The following TMX1 variants were observed in gnomAD, a reference collection of about 807,000 sequenced individuals.
The protein encoded by TMX1 is thioredoxin-related transmembrane protein 1.
A neutral mutation model predicts 36.6 loss-of-function variants in TMX1; 25 were observed. The observed-to-expected ratio is 0.68, with a 90% confidence interval of 0.50 to 0.95. The LOEUF (loss-of-function observed/expected upper bound fraction) is 0.95. Ranked by LOEUF, TMX1 falls within the 40% of genes least tolerant of loss-of-function variation. TMX1 has a pLI of 0.00. For synonymous variants in TMX1, 133 were observed against 118.0 expected (o/e 1.13, Z -0.82); for missense variants, 347 against 339.6 (o/e 1.02, Z -0.17).
rs2139861180 is a variant in TMX1, at chr14:51,256,397, G to A, written c.*1878G>A. On this transcript the variant is annotated 3_prime_UTR_variant, in exon 8 of 8. Transcript: ENST00000457354. ...AACAGATAGGGTCTTGAAATTTCAG[G>A]AAACATATAATCTCACGGTTCTTAA... The A allele has an allele frequency of 6.6e-6, 1 of 152,190 alleles. No homozygotes were observed. Among genetic ancestry groups the A allele is most frequent in the South Asian group, 2.1e-4 (1 of 4,828 alleles). The allele number at this position is 152,190 out of a possible 1,614,324, so 9.4% of individuals were successfully genotyped here. A position where few individuals can be genotyped will look rare whatever the true frequency, so the allele number is the denominator to read the frequency against.
In TMX1 at chr14:51,241,423, A is replaced by C. The variant is rs2065760796; in HGVS notation, c.152+979A>C. On this transcript the variant is annotated intron_variant, in intron 1 of 7. Coordinates refer to ENST00000457354, the MANE Select transcript of TMX1 (RefSeq NM_030755.5). ...CGAATACCATATTTAATTCCCTACA[A>C]ATTCTCTATGACAGGTGTTTTTCAC... 2.0e-5 allele frequency among the ~76,000 whole-genome samples: 3 copies of C among 152,196 alleles called. No individual in the cohort carries two copies. In the South Asian group the frequency reaches 6.2e-4, roughly 31 times the overall value.
intron 1 of TMX1, among the ~76,000 whole-genome samples, chr14:51,243,305 T>C (rs1434326983): frequency 7.2e-5 from 11 of 152,220 alleles, no homozygotes; most frequent in Admixed American, 7.2e-4. Flanking sequence ...GGGTTATTTT[T>C]TGAGGTAACA....
intron 7 of TMX1, 94 bp from the exon 8 acceptor site, chr14:51,254,247 C>A (rs980065424): frequency 9.5e-7 from 1 of 1,047,600 alleles, no homozygotes; most frequent in Non-Finnish European, 1.3e-6. Flanking sequence ...TATGCCAAAG[C>A]AGTTTTGGGG....
At chr14:51,247,813 C>T (rs1387109712) in intron 4 of TMX1, among the ~76,000 whole-genome samples, 5 of 152,094 alleles carry the variant, frequency 3.3e-5, no homozygotes, top group Non-Finnish European at 7.4e-5. Context: ...ACTAAATGCC[C>T]CTAAGAGTCT....
At chr14:51,251,608 A>G (rs1261905866) in intron 7 of TMX1, among the ~76,000 whole-genome samples, 1 of 152,172 alleles carries the variant, frequency 6.6e-6, no homozygotes, top group African/African-American at 2.4e-5. Flanking sequence ...CACTGTTGCC[A>G]GGTCGTCCTC....
chr14:51,243,292 T>C (rs1437266189), intron 1 of TMX1, among the ~76,000 whole-genome samples: 1 of 152,226 alleles, frequency 6.6e-6, no homozygotes, highest in Admixed American at 6.5e-5. Context: ...AGTATTTGTG[T>C]GTGGGTTATT....
rs2065834894 is a variant in TMX1, at chr14:51,255,628, A to G, written c.*1109A>G. ...TAATGCTTGATGTTTTAAAATAATAACATTTTTATATTTTTTAAAAGACAA... is the reference window on the plus strand; with the variant it reads ...TAATGCTTGATGTTTTAAAATAATAGCATTTTTATATTTTTTAAAAGACAA... On this transcript the variant is annotated 3_prime_UTR_variant, in exon 8 of 8. Coordinates refer to ENST00000457354, the MANE Select transcript of TMX1 (RefSeq NM_030755.5). 1 of 152,066 alleles carries G rather than the reference A, an allele frequency of 6.6e-6. No homozygotes were observed. The highest frequency in any genetic ancestry group is 6.5e-5 in the Admixed American group (1 of 15,268). The allele number at this position is 152,066 out of a possible 1,614,324, so 9.4% of individuals were successfully genotyped here.
At chr14:51,251,060 A>G (rs961593501) in intron 7 of TMX1, among the ~76,000 whole-genome samples, 4 of 152,256 alleles carry the variant, frequency 2.6e-5, no homozygotes, top group Non-Finnish European at 5.9e-5. Context: ...TGAAATGAAT[A>G]TAAAATGTTT....
At chr14:51,247,461 A>G (rs917922782) in intron 4 of TMX1, among the ~76,000 whole-genome samples, 2 of 142,668 alleles carry the variant, frequency 1.4e-5, no homozygotes, top group African/African-American at 2.6e-5. Flanking sequence ...GGTTCACGCC[A>G]TTCTCCTGCC....
chr14:51,244,020 A>G (rs1425268786), intron 2 of TMX1, 49 bp downstream of exon 2: 1 of 1,441,764 alleles, frequency 6.9e-7, no homozygotes, highest in Non-Finnish European at 9.4e-7. Flanking sequence ...TTGGGTTGAT[A>G]TATTTATCCT....
At position 51,240,305 on chromosome 14, in the gene TMX1, G is replaced by A. The variant is rs1042905369; in HGVS notation, c.13G>A (p.Gly5Arg). The A allele has an allele frequency of 6.2e-7, 1 of 1,611,908 alleles. No individual in the cohort carries two copies. Among genetic ancestry groups the A allele is most frequent in the Non-Finnish European group, 8.5e-7 (1 of 1,179,794 alleles). ...GGCAAGCGGCGAAATGGCGCCCTCCGGGAGTCTTGCAGTTCCCCTGGCAGT... is the reference window on the plus strand; with the variant it reads ...GGCAAGCGGCGAAATGGCGCCCTCCAGGAGTCTTGCAGTTCCCCTGGCAGT... Reference protein sequence around the residue: MAPSGSLAVPLAVLV... With the variant: MAPSRSLAVPLAVLV... Residue 5 changes from glycine to arginine, a missense_variant, in exon 1 of 8, where the codon GGG becomes AGG. Physicochemically the swap from Gly to Arg is moderately radical, Grantham distance 125. Coordinates refer to ENST00000457354, the MANE Select transcript of TMX1 (RefSeq NM_030755.5).
At position 51,254,679 on chromosome 14, in the gene TMX1, G is replaced by T. The variant is rs533216439; in HGVS notation, c.*160G>T. ...CTACATTCAGAACATAAAAGCACTA[G>T]GTATACAAGTTTGAAATATGATTTA... On this transcript the variant is annotated 3_prime_UTR_variant, in exon 8 of 8. Transcript: ENST00000457354. The T allele has an allele frequency of 3.5e-6, 2 of 574,850 alleles. No homozygotes were observed. The highest frequency in any genetic ancestry group is 2.9e-6 in the Non-Finnish European group (1 of 348,820). 35.6% of individuals were successfully genotyped at this position (574,850 alleles called of 1,614,324 possible). A position where few individuals can be genotyped will look rare whatever the true frequency, so the allele number is the denominator to read the frequency against.
rs1386265219 is a variant in TMX1, at chr14:51,245,609, T to C, written c.314+251T>C. 3.6e-6 allele frequency: 3 copies of C among 841,540 alleles called. No individual in the cohort carries two copies. The East Asian group carries it at 1.0e-4, about 28-fold the overall frequency. The allele number at this position is 841,540 out of a possible 1,614,324, so 52.1% of individuals were successfully genotyped here. A position where few individuals can be genotyped will look rare whatever the true frequency, so the allele number is the denominator to read the frequency against. ...GTGATGTTCTTGTGAAATGGTGTGA[T>C]CCTGTTCAGCGTGTTAAGTCATTAT... On this transcript the variant is annotated intron_variant, in intron 3 of 7. Transcript: ENST00000457354.
chr14:51,256,365 T>G lies in TMX1; in HGVS notation c.*1846T>G, dbSNP rs2065838567. 6.6e-6 allele frequency: 1 copy of G among 152,068 alleles called. No individual in the cohort carries two copies. The highest frequency in any genetic ancestry group is 1.5e-5 in the Non-Finnish European group (1 of 67,984). The allele number at this position is 152,068 out of a possible 1,614,324, so 9.4% of individuals were successfully genotyped here. ...CCCCTGTACTATAGAAAATGTAAAG[T>G]TGGCTGAACAGATAGGGTCTTGAAA... On this transcript the variant is annotated 3_prime_UTR_variant, in exon 8 of 8. Transcript: ENST00000457354.
chr14:51,254,210 C>T (rs950887191), intron 7 of TMX1, 131 bp from the exon 8 acceptor site: 4 of 653,040 alleles, frequency 6.1e-6, no homozygotes, highest in Admixed American at 4.0e-5. Context: ...AATAACTTTC[C>T]TTTTGGACAT....
intron 7 of TMX1, among the ~76,000 whole-genome samples, chr14:51,252,240 C>G (rs964537236): frequency 2.5e-5 from 3 of 119,320 alleles, no homozygotes; most frequent in African/African-American, 8.0e-5. Context: ...TTTTTCTGTC[C>G]TCTATTATGA....
rs201680396 is a variant in TMX1 at position 51,247,149 on chromosome 14, A to G, written c.372A>G (p.Ile124Met). 2.0e-4 allele frequency: 326 copies of G among 1,613,168 alleles called. 1 individual carries two copies. Among genetic ancestry groups the G allele is most frequent in the Admixed American group, 2.3e-4 (14 of 59,986 alleles). ...GTCCAAGGACTAAGAAGGACTTCAT[A>G]AACTTTATAAGTGATAAAGAGTGGA... ...YQGPRTKKDF[I>M]NFISDKEWKS... The change falls in exon 4 of 8, where the codon ATA (isoleucine) becomes ATG (methionine). Residue 124 changes from isoleucine to methionine, a missense_variant. Coordinates refer to ENST00000457354, the MANE Select transcript of TMX1 (RefSeq NM_030755.5).
In TMX1 at chr14:51,249,364, G is replaced by T; in HGVS notation, c.482G>T (p.Trp161Leu). ...TCAGCACTCTTTCAGCTATCTATGT[G>T]GATCAGGGTATGGACTAAAATATTT... is the stretch of plus-strand genomic sequence containing the variant. ...SMSALFQLSM[W>L]IRTCHNYFIE... Residue 161 changes from tryptophan to leucine, a missense_variant, in exon 5 of 8, where the codon TGG (tryptophan) becomes TTG (leucine). Coordinates refer to ENST00000457354, the MANE Select transcript of TMX1 (RefSeq NM_030755.5). 1 of 1,607,782 alleles carries T rather than the reference G, an allele frequency of 6.2e-7. No individual in the cohort carries two copies. Among genetic ancestry groups the T allele is most frequent in the Non-Finnish European group, 8.5e-7 (1 of 1,178,032 alleles).
At chr14:51,253,321 C>G (rs1056304087) in intron 7 of TMX1, among the ~76,000 whole-genome samples, 1 of 152,200 alleles carries the variant, frequency 6.6e-6, no homozygotes, top group African/African-American at 2.4e-5. Context: ...CGAGAACTTA[C>G]CCTTGGTAGG....
Sources: allele counts gnomAD v4.1 joint callset (sites outside exome capture counted in the v4.1 genomes callset), GRCh38; gene constraint gnomAD v4.1.1; transcripts MANE v1.5; gene names NCBI Gene and HGNC (gene_info 2026-07-23, HGNC 2026-07-21).